CCSER2: variants seen among roughly 807,000 people sequenced by gnomAD.
CCSER2 encodes the protein serine-rich coiled-coil domain-containing protein 2.
Under a neutral mutation model 92.3 loss-of-function variants are expected in CCSER2, and 46 were observed. That is an observed-to-expected ratio of 0.50 (90% CI 0.39 to 0.64). CCSER2 has a LOEUF of 0.64. CCSER2 is among the 30% of genes least tolerant of loss of function. The pLI is 0.00. For synonymous variants in CCSER2, 433 were observed against 431.4 expected, an observed-to-expected ratio of 1.00 and a Z score of -0.04; for missense variants, 1,244 against 1,238.9, an observed-to-expected ratio of 1.00 and a Z score of -0.06.
intron 9 of CCSER2, among the ~76,000 whole-genome samples, chr10:84,484,180 G>A (rs1352561164): frequency 6.6e-5 from 10 of 151,064 alleles, no homozygotes; most frequent in South Asian, 2.1e-4. Context: ...GTTTCACCGC[G>A]TTAGCCAGGA....
intron 4 of CCSER2, among the ~76,000 whole-genome samples, chr10:84,422,566 A>C (rs1439109149): frequency 2.0e-5 from 3 of 152,096 alleles, no homozygotes; most frequent in African/African-American, 7.2e-5. Context: ...TTCTCAACTC[A>C]TAGTTAGGGC....
intron 3 of CCSER2, among the ~76,000 whole-genome samples, chr10:84,411,841 C>CT (rs1842666374): frequency 6.6e-6 from 1 of 152,160 alleles, no homozygotes; most frequent in South Asian, 2.1e-4. Flanking sequence ...ACTTCCAGTA[C>CT]TATGTTGAAT....
At chr10:84,341,122 C>T (rs1011218158) in intron 1 of CCSER2, among the ~76,000 whole-genome samples, 1 of 145,426 alleles carries the variant, frequency 6.9e-6, no homozygotes, top group African/African-American at 2.6e-5. Flanking sequence ...GTCACTGTAG[C>T]CTTAACCTCC....
chr10:84,340,094 C>T (rs567592182), intron 1 of CCSER2, among the ~76,000 whole-genome samples: 55 of 151,170 alleles, frequency 3.6e-4, no homozygotes, highest in Non-Finnish European at 7.2e-4. Context: ...CCTCCTGCCT[C>T]GGCCTCCCAA....
At chr10:84,499,318 TAA>T (rs2131833604) in intron 9 of CCSER2, among the ~76,000 whole-genome samples, 1 of 152,240 alleles carries the variant, frequency 6.6e-6, no homozygotes, top group Non-Finnish European at 1.5e-5. Context: ...GTAGTTTTAG[TAA>T]AGACAGGGTT....
intron 3 of CCSER2, among the ~76,000 whole-genome samples, chr10:84,404,875 A>G (rs766464165): frequency 2.6e-5 from 4 of 152,210 alleles, no homozygotes; most frequent in Non-Finnish European, 4.4e-5. Context: ...CTTATGAAAG[A>G]AATTACAGAA....
At chr10:84,484,352 A>G (rs1847673090) in intron 9 of CCSER2, among the ~76,000 whole-genome samples, 1 of 151,956 alleles carries the variant, frequency 6.6e-6, no homozygotes, top group African/African-American at 2.4e-5. Context: ...ACCTCAGGTG[A>G]TCTGTCCGCC....
chr10:84,338,306 CA>C (rs76265260), intron 1 of CCSER2, among the ~76,000 whole-genome samples: 123,888 of 146,712 alleles, frequency 0.84, 52,256 homozygotes, highest in East Asian at 0.88. Context: ...AAAAAAAAAA[CA>C]AAAAAAAACC....
intron 9 of CCSER2, among the ~76,000 whole-genome samples, chr10:84,502,365 TTC>T (rs1236874115): frequency 7.5e-6 from 1 of 132,798 alleles, no homozygotes; most frequent in African/African-American, 2.5e-5. Context: ...CTTTGATGAC[TTC>T]TTTTTTTTTT....
intron 3 of CCSER2, among the ~76,000 whole-genome samples, chr10:84,394,382 AGTATGT>A (rs1275384430): frequency 0.013 from 1,215 of 91,258 alleles, 8 homozygotes; most frequent in African/African-American, 0.027. Context: ...ACAAAAGGAA[AGTATGT>A]GTGTGTGTGT....
intron 3 of CCSER2, among the ~76,000 whole-genome samples, chr10:84,406,016 G>A (rs1301414358): frequency 2.6e-5 from 4 of 152,168 alleles, no homozygotes; most frequent in African/African-American, 9.7e-5. Flanking sequence ...ATAACTTCAT[G>A]TATAGTAGTT....
intron 1 of CCSER2, among the ~76,000 whole-genome samples, chr10:84,360,940 C>G (rs890361050): frequency 2.0e-5 from 3 of 152,216 alleles, no homozygotes; most frequent in Non-Finnish European, 4.4e-5. Flanking sequence ...ACATTTCTCC[C>G]ATTCCATTCT....
chr10:84,494,344 T>G (rs530506375), intron 9 of CCSER2, among the ~76,000 whole-genome samples: 2 of 152,330 alleles, frequency 1.3e-5, no homozygotes, highest in Admixed American at 1.3e-4. Context: ...GTCACTTTCA[T>G]TGCCATCTTG....
rs1849324825 is a variant in CCSER2, at chr10:84,511,101, G to A, written c.2326-2348G>A. Among the ~76,000 whole-genome samples the A allele has an allele frequency of 2.0e-5, 3 of 152,188 alleles. No individual in the cohort carries two copies. In the South Asian group the frequency reaches 6.2e-4, roughly 32 times the overall value. On this transcript the variant is annotated intron_variant, in intron 9 of 9. Coordinates refer to ENST00000372088, the MANE Select transcript of CCSER2 (RefSeq NM_001284240.2). Reference sequence around the variant, plus strand: ...GTTAATGTAATTCACTAGTAGTATAGATGTCTAACTTGTAGTTTAGACATT... The same window carrying A: ...GTTAATGTAATTCACTAGTAGTATAAATGTCTAACTTGTAGTTTAGACATT...
At chr10:84,445,935 A>G (rs928090418) in intron 6 of CCSER2, among the ~76,000 whole-genome samples, 15 of 152,270 alleles carry the variant, frequency 9.9e-5, no homozygotes, top group Non-Finnish European at 1.6e-4. Context: ...TTTGGTGAAC[A>G]TATGTATGCA....
chr10:84,430,275 G>A (rs1173591973), intron 5 of CCSER2, among the ~76,000 whole-genome samples: 1 of 152,030 alleles, frequency 6.6e-6, no homozygotes, highest in Non-Finnish European at 1.5e-5. Flanking sequence ...GGATTCTCTG[G>A]TATTTCCTTG....
chr10:84,361,471 A>C (rs1298186880), intron 1 of CCSER2, among the ~76,000 whole-genome samples: 1 of 152,178 alleles, frequency 6.6e-6, no homozygotes, highest in African/African-American at 2.4e-5. Flanking sequence ...TTTTACATCG[A>C]AAATGGAAAT....
At chr10:84,440,733 T>A (rs895202259) in intron 6 of CCSER2, among the ~76,000 whole-genome samples, 29 of 152,380 alleles carry the variant, frequency 1.9e-4, no homozygotes, top group East Asian at 3.9e-4. Context: ...AATGGCACAC[T>A]GTTTTAGTTA....
chr10:84,345,734 A>C (rs1485516267), intron 1 of CCSER2, among the ~76,000 whole-genome samples: 1 of 152,192 alleles, frequency 6.6e-6, no homozygotes, highest in African/African-American at 2.4e-5. Context: ...TGTGGGTTAA[A>C]TATAATGTAC....
Sources: gnomAD v4.1 joint callset for allele counts (sites outside exome capture counted in the v4.1 genomes callset) on GRCh38, gnomAD v4.1.1 for gene constraint, MANE v1.5 for transcripts, NCBI Gene and HGNC (gene_info 2026-07-23, HGNC 2026-07-21) for gene names.